The following TLN2 variants were observed in gnomAD, a reference collection of about 807,000 sequenced individuals.
TLN2 encodes talin 2.
In TLN2, 118 loss-of-function variants were observed where a neutral mutation model predicts 294.7. The ratio of observed to expected loss-of-function variants is 0.40; its 90% CI spans 0.34 to 0.47. The LOEUF (loss-of-function observed/expected upper bound fraction) is 0.47, where lower values mean the gene tolerates loss of function less well. Among genes scored for constraint, TLN2 ranks in the 20% least tolerant of loss-of-function variants. The pLI is 0.84. For synonymous variants in TLN2, 1,431 were observed against 1,304.5 expected (o/e 1.10, Z -2.09); for missense variants, 3,083 against 3,282.2 (o/e 0.94, Z 1.48).
intron 28 of TLN2, among the ~76,000 whole-genome samples, chr15:62,731,498 A>T (rs1383058310): frequency 5.3e-5 from 8 of 152,196 alleles, no homozygotes; most frequent in Non-Finnish European, 1.5e-5. Flanking sequence ...AACTGAGCTG[A>T]TTGGAAATTG....
chr15:62,484,993 C>A (rs1165519797), intron 1 of TLN2, among the ~76,000 whole-genome samples: 3 of 152,180 alleles, frequency 2.0e-5, no homozygotes, highest in African/African-American at 7.2e-5. Context: ...GAGAATCCAT[C>A]TCTTTTGTTT....
chr15:62,816,992 C>A (rs1246852828), intron 52 of TLN2, among the ~76,000 whole-genome samples: 1 of 152,104 alleles, frequency 6.6e-6, no homozygotes, highest in Non-Finnish European at 1.5e-5. Flanking sequence ...GGCTACACAC[C>A]AGAAGAATTT....
chr15:62,745,895 T>C (rs2061581370), intron 32 of TLN2, among the ~76,000 whole-genome samples: 1 of 152,246 alleles, frequency 6.6e-6, no homozygotes, highest in African/African-American at 2.4e-5. Context: ...TAAATAATGC[T>C]TCTTAGTTCT....
chr15:62,560,230 A>G (rs2042845206), intron 1 of TLN2, among the ~76,000 whole-genome samples: 1 of 152,112 alleles, frequency 6.6e-6, no homozygotes, highest in African/African-American at 2.4e-5. Flanking sequence ...TCCAATTCTA[A>G]TACTCCGTGT....
At chr15:62,575,508 C>G (rs1167824491) in intron 1 of TLN2, among the ~76,000 whole-genome samples, 1 of 152,032 alleles carries the variant, frequency 6.6e-6, no homozygotes, top group East Asian at 1.9e-4. Flanking sequence ...TACTGTGGAC[C>G]AGTTACAAAC....
intron 3 of TLN2, among the ~76,000 whole-genome samples, chr15:62,622,414 A>G (rs1244482600): frequency 6.6e-6 from 1 of 152,106 alleles, no homozygotes; most frequent in African/African-American, 2.4e-5. Context: ...CAAGTGGGGG[A>G]ATACCCAGCA....
intron 55 of TLN2, 155 bp downstream of exon 55, chr15:62,833,784 T>C (rs117778763): frequency 1.8e-6 from 2 of 1,107,176 alleles, no homozygotes; most frequent in Admixed American, 3.1e-5. Flanking sequence ...GACTGAAAAC[T>C]ACAGCCTTCA....
chr15:62,757,583 C>G (rs1034621613), intron 37 of TLN2, among the ~76,000 whole-genome samples: 1 of 152,186 alleles, frequency 6.6e-6, no homozygotes, highest in African/African-American at 2.4e-5. Context: ...CTATATAAAG[C>G]ATCTCTGTTA....
At chr15:62,417,696 A>G (rs1420600525) in intron 1 of TLN2, among the ~76,000 whole-genome samples, 1 of 152,230 alleles carries the variant, frequency 6.6e-6, no homozygotes, top group East Asian at 1.9e-4. Flanking sequence ...TCTCAGGGCT[A>G]CAGGCTCTGG....
intron 50 of TLN2, among the ~76,000 whole-genome samples, chr15:62,803,970 T>C (rs2066102584): frequency 6.6e-6 from 1 of 152,220 alleles, no homozygotes; most frequent in Admixed American, 6.5e-5. Context: ...TTGGATGTTA[T>C]GATCTAAGCC....
intron 1 of TLN2, among the ~76,000 whole-genome samples, chr15:62,570,838 A>G (rs373807794): frequency 3.3e-4 from 50 of 152,156 alleles, no homozygotes; most frequent in South Asian, 2.7e-3. Context: ...GGCTAAGCCA[A>G]TCTTCTCCAA....
chr15:62,692,896 G>T lies in TLN2; in HGVS notation c.1170G>T (p.Gln390His). ...YYSVQTTEGE[Q>H]ISQLIAGYID... ...CAGTACAAACCACCGAGGGAGAGCA[G>T]ATATCCCAGCTGATTGCAGGCTACA... Residue 390 changes from glutamine (Q) to histidine (H), a missense_variant, in exon 13 of 59, where the codon CAG becomes CAT. Transcript: ENST00000636159. 6.2e-7 allele frequency: 1 copy of T among 1,613,730 alleles called. No homozygotes were observed. The highest frequency in any genetic ancestry group is 8.5e-7 in the Non-Finnish European group (1 of 1,179,872).
At chr15:62,458,754 A>G (rs1014012256) in intron 1 of TLN2, among the ~76,000 whole-genome samples, 9 of 152,006 alleles carry the variant, frequency 5.9e-5, no homozygotes, top group Admixed American at 2.0e-4. Flanking sequence ...GGGCAACATA[A>G]CGAGACTCTG....
At chr15:62,587,364 T>C (rs1217800286) in intron 1 of TLN2, among the ~76,000 whole-genome samples, 1 of 152,196 alleles carries the variant, frequency 6.6e-6, no homozygotes, top group Non-Finnish European at 1.5e-5. Context: ...GAAGTAAAAA[T>C]CATCTAACAT....
chr15:62,429,172 G>C (rs1193425780), intron 1 of TLN2, among the ~76,000 whole-genome samples: 1 of 151,862 alleles, frequency 6.6e-6, no homozygotes, highest in Non-Finnish European at 1.5e-5. Context: ...CTCAAGCGGG[G>C]TGCAGTGATC....
intron 1 of TLN2, among the ~76,000 whole-genome samples, chr15:62,445,726 T>C (rs1195189826): frequency 1.3e-5 from 2 of 152,002 alleles, no homozygotes; most frequent in Non-Finnish European, 1.5e-5. Context: ...TGCAATGGCC[T>C]GATCACAGTT....
intron 22 of TLN2, among the ~76,000 whole-genome samples, chr15:62,712,358 G>A (rs1388792497): frequency 6.6e-6 from 1 of 152,170 alleles, no homozygotes; most frequent in Admixed American, 6.5e-5. Context: ...TTCATTCAAT[G>A]TGGTGACTAA....
chr15:62,553,220 G>A lies in TLN2; in HGVS notation c.-237-36467G>A, dbSNP rs941781040. ...ATTATTTAAGAATAATGGCGGCTGG[G>A]CACAGTGGCTCACTCCTGTAATCCC... On this transcript the variant is annotated intron_variant, in intron 1 of 58. Coordinates refer to ENST00000636159, the MANE Select transcript of TLN2 (RefSeq NM_015059.3). Among the ~76,000 whole-genome samples, 3 of 152,138 alleles carry A rather than the reference G, an allele frequency of 2.0e-5. No homozygotes were observed. The East Asian group carries it at 5.8e-4, about 29-fold the overall frequency.
At chr15:62,649,932 C>A in intron 4 of TLN2, 152 bp from the exon 5 acceptor site, 1 of 699,536 alleles carries the variant, frequency 1.4e-6, no homozygotes, top group Non-Finnish European at 2.5e-6. Flanking sequence ...TGCTCCAGCC[C>A]TGATGGCTGC....
Sources: allele counts gnomAD v4.1 joint callset (sites outside exome capture counted in the v4.1 genomes callset), GRCh38; gene constraint gnomAD v4.1.1; transcripts MANE v1.5; gene names NCBI Gene and HGNC (gene_info 2026-07-23, HGNC 2026-07-21).